Variants in KCTD16 observed in about 807,000 individuals in gnomAD.
The protein encoded by KCTD16 is potassium channel tetramerization domain containing 16.
A neutral mutation model predicts 33.2 loss-of-function variants in KCTD16; 13 were observed. The observed-to-expected ratio is 0.39, with a 90% CI of 0.25 to 0.62. KCTD16 has a LOEUF of 0.62. Among genes scored for constraint, KCTD16 ranks in the 20% least tolerant of loss-of-function variants. The pLI is 0.50. For missense variants in KCTD16, 441 were observed against 525.1 expected, an observed-to-expected ratio of 0.84 and a Z score of 1.57; for synonymous variants, 197 against 195.3, an observed-to-expected ratio of 1.01 and a Z score of -0.07.
intron 3 of KCTD16, among the ~76,000 whole-genome samples, chr5:144,376,270 A>G (rs73303942): frequency 0.02 from 3,004 of 152,232 alleles, 104 homozygotes; most frequent in African/African-American, 0.068. Context: ...TATATGTCCA[A>G]GGGTATTCAT....
chr5:144,219,811 A>C (rs935632243), intron 3 of KCTD16, among the ~76,000 whole-genome samples: 3 of 152,022 alleles, frequency 2.0e-5, no homozygotes, highest in Non-Finnish European at 2.9e-5. Flanking sequence ...GGCGTGAAAC[A>C]CCGCGCCTGG....
intron 3 of KCTD16, among the ~76,000 whole-genome samples, chr5:144,249,789 G>C (rs1754645653): frequency 6.6e-6 from 1 of 152,058 alleles, no homozygotes; most frequent in South Asian, 2.1e-4. Context: ...CTTTCTCAAG[G>C]TTACTCTGCA....
chr5:144,439,798 G>C (rs1753660614), intron 3 of KCTD16, among the ~76,000 whole-genome samples: 1 of 152,106 alleles, frequency 6.6e-6, no homozygotes. Context: ...TACAGGTATC[G>C]TGTAAACTTG....
Position 144,483,857 on chromosome 5 carries a change from C to T in KCTD16, c.*9743C>T, listed in dbSNP as rs189521753. ...CACTTGTAAACTAATTAAGCACGGTCACTGAATCCTTTTTTCACCAGCCTT... is the reference window on the plus strand; with the variant it reads ...CACTTGTAAACTAATTAAGCACGGTTACTGAATCCTTTTTTCACCAGCCTT... On this transcript the variant is annotated 3_prime_UTR_variant, in exon 4 of 4. Coordinates refer to ENST00000512467, the MANE Select transcript of KCTD16 (RefSeq NM_020768.4). The T allele has an allele frequency of 2.0e-5, 3 of 152,006 alleles. No homozygotes were observed. The highest frequency in any genetic ancestry group is 6.6e-5 in the Admixed American group (1 of 15,232). 9.4% of individuals were successfully genotyped at this position (152,006 alleles called of 1,614,324 possible).
intron 3 of KCTD16, among the ~76,000 whole-genome samples, chr5:144,216,937 A>C (rs2126799509): frequency 6.6e-6 from 1 of 152,264 alleles, no homozygotes; most frequent in Admixed American, 6.5e-5. Flanking sequence ...ACAATGAGAA[A>C]ATAGAGAAAA....
At chr5:144,472,182 T>G (rs1754492020) in intron 3 of KCTD16, among the ~76,000 whole-genome samples, 1 of 152,244 alleles carries the variant, frequency 6.6e-6, no homozygotes, top group Non-Finnish European at 1.5e-5. Context: ...AGGTACTACG[T>G]TATCCTTGTC....
At chr5:144,180,336 A>G (rs918008119) in intron 2 of KCTD16, among the ~76,000 whole-genome samples, 1 of 151,946 alleles carries the variant, frequency 6.6e-6, no homozygotes, top group African/African-American at 2.4e-5. Context: ...TGCCAACAGG[A>G]CTCCACAGAA....
intron 3 of KCTD16, among the ~76,000 whole-genome samples, chr5:144,212,548 T>C (rs1482370726): frequency 6.6e-6 from 1 of 152,074 alleles, no homozygotes; most frequent in African/African-American, 2.4e-5. Context: ...TCAAAGAAAT[T>C]AGAAATGGAA....
chr5:144,423,404 G>C (rs980524245), intron 3 of KCTD16, among the ~76,000 whole-genome samples: 6 of 152,122 alleles, frequency 3.9e-5, no homozygotes, highest in African/African-American at 1.4e-4. Context: ...AATATTACAG[G>C]CACAGAGGAG....
chr5:144,465,678 A>C (rs943068720), intron 3 of KCTD16, among the ~76,000 whole-genome samples: 9 of 151,444 alleles, frequency 5.9e-5, no homozygotes, highest in African/African-American at 2.2e-4. Flanking sequence ...CCTTCCAAGT[A>C]GTTTATGACT....
At chr5:144,345,554 C>T (rs967592661) in intron 3 of KCTD16, among the ~76,000 whole-genome samples, 2 of 152,004 alleles carry the variant, frequency 1.3e-5, no homozygotes, top group African/African-American at 2.4e-5. Flanking sequence ...TTCCTCTTAT[C>T]CATTCACTCA....
intron 3 of KCTD16, among the ~76,000 whole-genome samples, chr5:144,337,949 A>G (rs1337955974): frequency 6.6e-6 from 1 of 152,208 alleles, no homozygotes; most frequent in East Asian, 1.9e-4. Context: ...GTGAATATTT[A>G]AAAAATTGAT....
rs114532566 is a variant in KCTD16 at position 144,173,227 on chromosome 5, C to T, written c.-492-1080C>T. 6.3e-3 allele frequency among the ~76,000 whole-genome samples: 967 copies of T among 152,338 alleles called. 5 individuals carry two copies. The highest frequency in any genetic ancestry group is 0.011 in the Non-Finnish European group (745 of 68,026). On this transcript the variant is annotated intron_variant, in intron 1 of 3. Coordinates refer to ENST00000512467, the MANE Select transcript of KCTD16 (RefSeq NM_020768.4). ...CACAGTAGCAAAGACATGGAAGCAACTTAAATGTCCATCCATCATAGACTG... is the reference window on the plus strand; with the variant it reads ...CACAGTAGCAAAGACATGGAAGCAATTTAAATGTCCATCCATCATAGACTG...
Position 144,299,106 on chromosome 5 carries a change from A to G in KCTD16, c.832+91560A>G, listed in dbSNP as rs1415553714. On this transcript the variant is annotated intron_variant, in intron 3 of 3. Transcript: ENST00000512467. ...TATATATATCACTATGTATATATAT[A>G]TATATATATATATATATATATATAT... Among the ~76,000 whole-genome samples the G allele has an allele frequency of 8.8e-3, 80 of 9,072 alleles. 5 individuals are homozygous for G. The highest frequency in any genetic ancestry group is 0.01 in the Non-Finnish European group (51 of 5,098). The allele number at this position is 9,072 out of a possible 152,430, so 6.0% of individuals were successfully genotyped here.
intron 3 of KCTD16, among the ~76,000 whole-genome samples, chr5:144,301,271 G>A (rs1751432030): frequency 6.6e-6 from 1 of 150,484 alleles, no homozygotes; most frequent in South Asian, 2.1e-4. Flanking sequence ...AGATCGTGAA[G>A]GACATTGAAT....
chr5:144,178,958 T>C (rs1752563197), intron 2 of KCTD16, among the ~76,000 whole-genome samples: 1 of 152,070 alleles, frequency 6.6e-6, no homozygotes, highest in African/African-American at 2.4e-5. Context: ...CATAGAACAA[T>C]CAGGACAGCA....
At chr5:144,328,288 A>G (rs948951682) in intron 3 of KCTD16, among the ~76,000 whole-genome samples, 3 of 152,200 alleles carry the variant, frequency 2.0e-5, no homozygotes, top group Non-Finnish European at 4.4e-5. Flanking sequence ...AAGTTTGACA[A>G]TTCATGGAAA....
In KCTD16 at chr5:144,483,603, G is replaced by C. The variant is rs1398057018; in HGVS notation, c.*9489G>C. On this transcript the variant is annotated 3_prime_UTR_variant, in exon 4 of 4. Coordinates refer to ENST00000512467, the MANE Select transcript of KCTD16 (RefSeq NM_020768.4). ...TTACAGACATAACAACCAAATTAAC[G>C]AATTTTGGCCATCTTAAGAATACAG... 1 of 151,894 alleles carries C rather than the reference G, an allele frequency of 6.6e-6. No homozygotes were observed. The highest frequency in any genetic ancestry group is 1.5e-5 in the Non-Finnish European group (1 of 67,912). The allele number at this position is 151,894 out of a possible 1,614,324, so 9.4% of individuals were successfully genotyped here.
At chr5:144,391,406 G>A (rs1292980782) in intron 3 of KCTD16, among the ~76,000 whole-genome samples, 1 of 152,228 alleles carries the variant, frequency 6.6e-6, no homozygotes, top group Non-Finnish European at 1.5e-5. Flanking sequence ...TAGTGAGACT[G>A]AAGGTCATCC....
Sources: gnomAD v4.1 joint callset for allele counts (sites outside exome capture counted in the v4.1 genomes callset) on GRCh38, gnomAD v4.1.1 for gene constraint, MANE v1.5 for transcripts, NCBI Gene and HGNC (gene_info 2026-07-23, HGNC 2026-07-21) for gene names.